The following PLXNC1 variants were observed in gnomAD, a reference collection of about 807,000 sequenced individuals.
PLXNC1 encodes the protein plexin-C1.
In PLXNC1, 75 loss-of-function variants were observed where a neutral mutation model predicts 178.2. The observed-to-expected ratio is 0.42, with a 90% confidence interval of 0.35 to 0.51. The LOEUF is 0.51. Ranked by LOEUF, PLXNC1 falls within the 20% of genes least tolerant of loss-of-function variation. PLXNC1 has a pLI of 0.02. For missense variants in PLXNC1, 1,503 were observed against 1,984.4 expected (o/e 0.76, Z 4.61); for synonymous variants, 790 against 779.9 (o/e 1.01, Z -0.22).
At chr12:94,301,451 G>A (rs997209179) in intron 28 of PLXNC1, among the ~76,000 whole-genome samples, 2 of 152,080 alleles carry the variant, frequency 1.3e-5, no homozygotes, top group African/African-American at 4.8e-5. Flanking sequence ...CATTGCTTAT[G>A]GGACACAAAA....
chr12:94,276,195 G>A (rs1368372901), intron 21 of PLXNC1, among the ~76,000 whole-genome samples: 1 of 152,204 alleles, frequency 6.6e-6, no homozygotes, highest in African/African-American at 2.4e-5. Context: ...TAAACAAGCT[G>A]AGATTGCTGA....
chr12:94,212,273 C>CAAAAAAAAA (rs146191533), intron 5 of PLXNC1, among the ~76,000 whole-genome samples: 3 of 89,158 alleles, frequency 3.4e-5, no homozygotes, highest in African/African-American at 1.4e-4. Context: ...GACTCCGTCT[C>CAAAAAAAAA]AAAAAAAAAA....
chr12:94,246,294 G>A (rs563004448), intron 12 of PLXNC1, among the ~76,000 whole-genome samples: 7 of 152,330 alleles, frequency 4.6e-5, no homozygotes, highest in Non-Finnish European at 8.8e-5. Context: ...TGTCTGAGAC[G>A]TCCACAGTCT....
chr12:94,276,277 G>A (rs7303959), intron 21 of PLXNC1, among the ~76,000 whole-genome samples: 30,892 of 151,960 alleles, frequency 0.2, 3,244 homozygotes, highest in Admixed American at 0.24. Context: ...GCAATTACCC[G>A]CCACCATGAG....
chr12:94,279,664 G>A lies in PLXNC1; in HGVS notation c.3775+15G>A. The A allele has an allele frequency of 6.2e-7, 1 of 1,612,776 alleles. No homozygotes were observed. Among genetic ancestry groups the A allele is most frequent in the South Asian group, 1.1e-5 (1 of 91,028 alleles). On this transcript the variant is annotated intron_variant, in intron 22 of 30. Transcript: ENST00000258526. ...AATTGGTCTTGGTAAGGCGGTGCGG[G>A]AGCTATGTGGTCCCAGGCCCTGATG...
intron 2 of PLXNC1, among the ~76,000 whole-genome samples, chr12:94,179,979 G>A (rs1962247913): frequency 6.6e-6 from 1 of 152,118 alleles, no homozygotes; most frequent in African/African-American, 2.4e-5. Context: ...AAGGATGGAG[G>A]CAGGATGCAA....
At chr12:94,279,425 GA>G in intron 21 of PLXNC1, 46 bp from the exon 22 acceptor site, 1 of 1,545,624 alleles carries the variant, frequency 6.5e-7, no homozygotes, top group Non-Finnish European at 8.8e-7. Context: ...ATGCCTTTCA[GA>G]TTGCAATTAT....
intron 9 of PLXNC1, among the ~76,000 whole-genome samples, chr12:94,229,089 G>C (rs897765312): frequency 1.3e-5 from 2 of 152,136 alleles, no homozygotes; most frequent in South Asian, 4.1e-4. Context: ...TTGTTTGATA[G>C]TAGCCATCCT....
At chr12:94,175,100 T>C in intron 2 of PLXNC1, among the ~76,000 whole-genome samples, 1 of 152,106 alleles carries the variant, frequency 6.6e-6, no homozygotes, top group Non-Finnish European at 1.5e-5. Context: ...TGTGTGCATG[T>C]GTGTGTGTGT....
rs777078388 is a variant in PLXNC1, at chr12:94,251,455, C to G, written c.2808C>G (p.Val936=). ...AGCTGGGAAACCTGGAGCTCTACGT[C>G]GAGCAGGAGTCAGTTCCTTCCACAT... ...RVKLGNLELY[V]EQESVPSTWY... Residue 936 remains valine (V), a synonymous_variant, in exon 15 of 31, where the codon GTC becomes GTG. Coordinates refer to ENST00000258526, the MANE Select transcript of PLXNC1 (RefSeq NM_005761.3). The G allele has an allele frequency of 6.2e-7, 1 of 1,612,830 alleles. No homozygotes were observed. Among genetic ancestry groups the G allele is most frequent in the Non-Finnish European group, 8.5e-7 (1 of 1,178,760 alleles).
rs1334375215 is a variant in PLXNC1 at position 94,254,616 on chromosome 12, A to G, written c.2882-171A>G. ...TGACCCCTCACTGGGAAATTTTCTTATAAGATCCAGCTTTTTAATGCTATT... is the reference window on the plus strand; with the variant it reads ...TGACCCCTCACTGGGAAATTTTCTTGTAAGATCCAGCTTTTTAATGCTATT... On this transcript the variant is annotated intron_variant, in intron 15 of 30. Coordinates refer to ENST00000258526, the MANE Select transcript of PLXNC1 (RefSeq NM_005761.3). The G allele has an allele frequency of 5.7e-6, 4 of 707,842 alleles. No homozygotes were observed. In the Admixed American group the frequency reaches 6.1e-5, roughly 11 times the overall value. The allele number at this position is 707,842 out of a possible 1,614,324, so 43.8% of individuals were successfully genotyped here. A position where few individuals can be genotyped will look rare whatever the true frequency, so the allele number is the denominator to read the frequency against.
At chr12:94,163,909 G>T (rs1482911605) in intron 1 of PLXNC1, among the ~76,000 whole-genome samples, 1 of 152,170 alleles carries the variant, frequency 6.6e-6, no homozygotes, top group African/African-American at 2.4e-5. Flanking sequence ...GCAAATAGTT[G>T]TCCTTTCCAT....
At chr12:94,169,029 T>G in intron 1 of PLXNC1, 124 bp from the exon 2 acceptor site, 1 of 850,246 alleles carries the variant, frequency 1.2e-6, no homozygotes, top group Non-Finnish European at 1.8e-6. Context: ...TCTAAGAGAA[T>G]ATATGTGGGG....
intron 4 of PLXNC1, among the ~76,000 whole-genome samples, chr12:94,192,918 A>G (rs984745300): frequency 7.9e-5 from 12 of 152,190 alleles, no homozygotes; most frequent in Non-Finnish European, 1.8e-4. Flanking sequence ...AAGGAGATAA[A>G]TGAATAGAGT....
intron 21 of PLXNC1, among the ~76,000 whole-genome samples, chr12:94,276,338 G>A (rs1321462167): frequency 2.0e-5 from 3 of 152,118 alleles, no homozygotes; most frequent in Non-Finnish European, 4.4e-5. Context: ...ATCGTAGGTG[G>A]TGGCACCAGC....
At chr12:94,218,909 C>T (rs1231855101) in intron 5 of PLXNC1, among the ~76,000 whole-genome samples, 2 of 152,182 alleles carry the variant, frequency 1.3e-5, no homozygotes, top group African/African-American at 4.8e-5. Flanking sequence ...AATGTATCTT[C>T]ACACCTAGGA....
rs1031806545 is a variant in PLXNC1, at chr12:94,306,749, C to T, written c.*1464C>T. 6 of 152,090 alleles carry T rather than the reference C, an allele frequency of 3.9e-5. No homozygotes were observed. Among genetic ancestry groups the T allele is most frequent in the Non-Finnish European group, 7.4e-5 (5 of 68,020 alleles). The allele number at this position is 152,090 out of a possible 1,614,324, so 9.4% of individuals were successfully genotyped here. A position where few individuals can be genotyped will look rare whatever the true frequency, so the allele number is the denominator to read the frequency against. ...TTGTCTTAAAGGCAATTCCTTTTTG[C>T]TTCTGTATTATCTGGAAAAGCATGA... On this transcript the variant is annotated 3_prime_UTR_variant, in exon 31 of 31. Coordinates refer to ENST00000258526, the MANE Select transcript of PLXNC1 (RefSeq NM_005761.3).
intron 21 of PLXNC1, among the ~76,000 whole-genome samples, chr12:94,267,232 A>G (rs1336875597): frequency 6.6e-6 from 1 of 152,254 alleles, no homozygotes; most frequent in East Asian, 1.9e-4. Context: ...CAAACAGGAA[A>G]GACAGGAAAG....
intron 4 of PLXNC1, among the ~76,000 whole-genome samples, chr12:94,195,949 C>T (rs1367392635): frequency 2.6e-5 from 4 of 152,170 alleles, no homozygotes; most frequent in Admixed American, 2.6e-4. Flanking sequence ...GTGGACACGT[C>T]CCAGCTCCTT....
Sources: gnomAD v4.1 joint callset for allele counts (sites outside exome capture counted in the v4.1 genomes callset) on GRCh38, gnomAD v4.1.1 for gene constraint, MANE v1.5 for transcripts, NCBI Gene and HGNC (gene_info 2026-07-23, HGNC 2026-07-21) for gene names.